The following PLCE1 variants were observed in gnomAD, a reference collection of about 807,000 sequenced individuals.
The protein encoded by PLCE1 is phospholipase C epsilon 1.
PLCE1 carries 119 observed loss-of-function variants against 242.8 expected under a neutral mutation model. That is an observed-to-expected ratio of 0.49 (90% CI 0.42 to 0.57). The LOEUF is 0.57. Among genes scored for constraint, PLCE1 ranks in the 20% least tolerant of loss-of-function variants. PLCE1 has a pLI of 0.00. For synonymous variants in PLCE1, 945 were observed against 1,017.4 expected (o/e 0.93, Z 1.35); for missense variants, 2,441 against 2,788.8 (o/e 0.88, Z 2.81).
At chr10:94,019,651 A>G (rs1362705470) in intron 1 of PLCE1, among the ~76,000 whole-genome samples, 2 of 152,246 alleles carry the variant, frequency 1.3e-5, no homozygotes, top group Non-Finnish European at 2.9e-5. Flanking sequence ...AATTGTGGCT[A>G]GCACAATGGA....
At chr10:94,205,975 A>G (rs2049145515) in intron 4 of PLCE1, among the ~76,000 whole-genome samples, 1 of 152,228 alleles carries the variant, frequency 6.6e-6, no homozygotes, top group Non-Finnish European at 1.5e-5. Context: ...CGAAAAAACA[A>G]ATAAAACTCC....
At chr10:94,094,148 A>G (rs2045206470) in intron 2 of PLCE1, among the ~76,000 whole-genome samples, 2 of 150,540 alleles carry the variant, frequency 1.3e-5, no homozygotes, top group Non-Finnish European at 1.5e-5. Flanking sequence ...TCACCGTTTT[A>G]GCCGGGATGG....
At chr10:94,318,708 C>T (rs1383763905) in intron 29 of PLCE1, among the ~76,000 whole-genome samples, 1 of 152,164 alleles carries the variant, frequency 6.6e-6, no homozygotes, top group Non-Finnish European at 1.5e-5. Flanking sequence ...TCACAGGAAG[C>T]TTCATTTTAT....
At chr10:94,321,132 C>T (rs1228805230) in intron 29 of PLCE1, among the ~76,000 whole-genome samples, 1 of 152,170 alleles carries the variant, frequency 6.6e-6, no homozygotes, top group Non-Finnish European at 1.5e-5. Context: ...ATTCATTCAG[C>T]CTTGTCACTG....
intron 4 of PLCE1, among the ~76,000 whole-genome samples, chr10:94,187,040 A>G (rs1174199627): frequency 2.0e-5 from 3 of 152,200 alleles, no homozygotes; most frequent in African/African-American, 7.2e-5. Context: ...CAGATAAATT[A>G]AGACATGGGG....
At chr10:94,157,573 G>C (rs552187056) in intron 3 of PLCE1, among the ~76,000 whole-genome samples, 1 of 152,316 alleles carries the variant, frequency 6.6e-6, no homozygotes, top group African/African-American at 2.4e-5. Context: ...GAGTATGGAG[G>C]CAGTGCCCTG....
intron 2 of PLCE1, among the ~76,000 whole-genome samples, chr10:94,080,688 C>T (rs142532012): frequency 6.6e-6 from 1 of 152,184 alleles, no homozygotes; most frequent in African/African-American, 2.4e-5. Context: ...CCATTGTAGG[C>T]CCAGCCTGCA....
chr10:94,096,949 A>C (rs1446142626), intron 2 of PLCE1: 3 of 152,210 alleles, frequency 2.0e-5, no homozygotes, highest in Non-Finnish European at 4.4e-5. Flanking sequence ...AATAAAGGGA[A>C]ACTTTCTATA....
chr10:94,087,317 T>A (rs2044865469), intron 2 of PLCE1, among the ~76,000 whole-genome samples: 1 of 123,964 alleles, frequency 8.1e-6, no homozygotes, highest in African/African-American at 3.2e-5. Flanking sequence ...GCCACTGCAC[T>A]CCAGCTTGGA....
intron 4 of PLCE1, among the ~76,000 whole-genome samples, chr10:94,182,092 CTGTT>C (rs1382746676): frequency 1.5e-5 from 2 of 134,124 alleles, no homozygotes; most frequent in African/African-American, 3.4e-5. Flanking sequence ...CCTTTTCTTT[CTGTT>C]TTTTTTTTTT....
intron 2 of PLCE1, among the ~76,000 whole-genome samples, chr10:94,130,449 A>G (rs1440458233): frequency 6.6e-6 from 1 of 152,198 alleles, no homozygotes; most frequent in Non-Finnish European, 1.5e-5. Context: ...TATCATGGTG[A>G]ATCCCAGAAT....
chr10:94,100,187 T>G (rs540195625), intron 2 of PLCE1: 2 of 152,244 alleles, frequency 1.3e-5, no homozygotes, highest in African/African-American at 2.4e-5. Flanking sequence ...TTAGATGAAA[T>G]ACTTTAGGGA....
chr10:94,243,461 C>T (rs886464822), intron 7 of PLCE1, among the ~76,000 whole-genome samples: 1 of 152,024 alleles, frequency 6.6e-6, no homozygotes, highest in Non-Finnish European at 1.5e-5. Flanking sequence ...AAAGTGTGGA[C>T]CTTAATTAGT....
intron 16 of PLCE1, among the ~76,000 whole-genome samples, chr10:94,266,199 A>C (rs2051510181): frequency 6.6e-6 from 1 of 152,090 alleles, no homozygotes; most frequent in South Asian, 2.1e-4. Context: ...GCCAAAATGA[A>C]AGTGTTTGTT....
In PLCE1 at chr10:94,293,441, G is replaced by A. The variant is rs993333656; in HGVS notation, c.5036-67G>A. 21 of 1,541,244 alleles carry A rather than the reference G, an allele frequency of 1.4e-5. No homozygotes were observed. In the East Asian group the frequency reaches 1.4e-4, roughly 10 times the overall value. On this transcript the variant is annotated intron_variant, in intron 22 of 32. Transcript: ENST00000371380. ...AGGACTTCAAAATAAATATTAATGG[G>A]GATGGAAAATGTTGAGTTGCCTTGC...
At chr10:94,201,610 G>A (rs146461307) in intron 4 of PLCE1, among the ~76,000 whole-genome samples, 2,739 of 152,236 alleles carry the variant, frequency 0.018, 28 homozygotes, top group Middle Eastern at 0.041. Flanking sequence ...TGAGTAGCTG[G>A]GACCACAGGC....
At chr10:94,216,662 T>C (rs1215812814) in intron 4 of PLCE1, among the ~76,000 whole-genome samples, 2 of 152,024 alleles carry the variant, frequency 1.3e-5, no homozygotes, top group African/African-American at 2.4e-5. Context: ...CACATTCTTC[T>C]CTAATTCAGA....
chr10:94,173,307 G>T (rs1442303343), intron 4 of PLCE1, among the ~76,000 whole-genome samples: 1 of 152,152 alleles, frequency 6.6e-6, no homozygotes, highest in Non-Finnish European at 1.5e-5. Flanking sequence ...AACTGAGTAA[G>T]ACAGAATCTC....
chr10:94,137,593 C>T (rs2046824086), intron 3 of PLCE1, among the ~76,000 whole-genome samples: 2 of 152,064 alleles, frequency 1.3e-5, no homozygotes, highest in East Asian at 1.9e-4. Flanking sequence ...CAAATTGTTG[C>T]TGAGTAAAGC....
Sources: allele counts gnomAD v4.1 joint callset (sites outside exome capture counted in the v4.1 genomes callset), GRCh38; gene constraint gnomAD v4.1.1; transcripts MANE v1.5; gene names NCBI Gene and HGNC (gene_info 2026-07-23, HGNC 2026-07-21).